The following ZNF687 variants were observed in gnomAD, a reference collection of about 807,000 sequenced individuals.
The protein encoded by ZNF687 is zinc finger protein 687.
A neutral mutation model predicts 71.8 loss-of-function variants in ZNF687; 13 were observed. The observed-to-expected ratio is 0.18, with a 90% CI of 0.12 to 0.29. The LOEUF is 0.29. Among genes scored for constraint, ZNF687 ranks in the 10% least tolerant of loss-of-function variants. ZNF687 has a pLI of 1.00. For missense variants in ZNF687, 1,412 were observed against 1,625.6 expected, an observed-to-expected ratio of 0.87 and a Z score of 2.26; for synonymous variants, 673 against 641.6, an observed-to-expected ratio of 1.05 and a Z score of -0.74.
upstream of ZNF687, chr1:151,282,008 A>G: frequency 8.0e-7 from 1 of 1,244,430 alleles, no homozygotes. Flanking sequence ...TCTAAGCGAC[A>G]GTGGCGGAGG....
chr1:151,288,282 C>T lies in ZNF687; in HGVS notation c.1991C>T (p.Ala664Val), dbSNP rs749612319. 7 of 1,613,472 alleles carry T rather than the reference C, an allele frequency of 4.3e-6. No homozygotes were observed. Among genetic ancestry groups the T allele is most frequent in the African/African-American group, 1.3e-5 (1 of 74,924 alleles). The stretch of plus-strand genomic sequence containing the variant: ...CCGCTCTCCACAGAGCCGCCTGCTG[C>T]CCCGGCCACCTCTGCTTACACATGC... ...VLPLSTEPPA[A>V]PATSAYTCFR... The change falls in exon 2 of 9, where the codon GCC (alanine) becomes GTC (valine). Residue 664 changes from alanine to valine, a missense_variant. This residue lies in a region of ZNF687 where 207 missense variants were observed against 239.2 expected (regional missense o/e 0.87). Transcript: ENST00000336715.
At chr1:151,290,270 C>T (rs201341455) in intron 7 of ZNF687, 36 bp downstream of exon 7, 24 of 1,610,900 alleles carry the variant, frequency 1.5e-5, no homozygotes, top group African/African-American at 2.7e-5. Context: ...TCCTGCCCAG[C>T]ACGTGACTCT....
chr1:151,291,344 A>C lies in ZNF687; in HGVS notation c.*135A>C, dbSNP rs149133961. 3.4e-3 allele frequency: 4,173 copies of C among 1,217,696 alleles called. 8 individuals carry two copies. Among genetic ancestry groups the C allele is most frequent in the Admixed American group, 4.5e-3 (157 of 34,880 alleles). 75.4% of individuals were successfully genotyped at this position (1,217,696 alleles called of 1,614,324 possible). A position where few individuals can be genotyped will look rare whatever the true frequency, so the allele number is the denominator to read the frequency against. On this transcript the variant is annotated 3_prime_UTR_variant, in exon 9 of 9. Coordinates refer to ENST00000336715, the MANE Select transcript of ZNF687 (RefSeq NM_020832.3). ...TCCTGTCTCTCCAACCTGAAGAAGA[A>C]GAGCATTTGAGGATTATTCTAGTTA... is the stretch of plus-strand genomic sequence containing the variant.
Position 151,288,512 on chromosome 1 carries a change from T to TA in ZNF687, c.2116-16_2116-15insA, listed in dbSNP as rs1694054939. 3 of 1,590,346 alleles carry TA rather than the reference T, an allele frequency of 1.9e-6. No individual in the cohort carries two copies. In the East Asian group the frequency reaches 6.7e-5, roughly 36 times the overall value. ...GACACTCCTCACCGACTTTCCTTGT[T>TA]TAACCCACTCGACAGGTGTGCCCAA... On this transcript the variant is annotated splice_polypyrimidine_tract_variant and intron_variant, in intron 2 of 8. Transcript: ENST00000336715.
upstream of ZNF687, chr1:151,281,719 G>A (rs1693719915): frequency 6.0e-5 from 25 of 416,816 alleles, no homozygotes; most frequent in South Asian, 3.9e-4. Flanking sequence ...GTCAGCGGAT[G>A]ACGTAATGTT....
rs753159822 is a variant in ZNF687 at position 151,288,745 on chromosome 1, G to A, written c.2294+39G>A. ...TTCCTCCATAGAACTGTAGGGTTTC[G>A]TGTGTCCTAGCCTCAGCCTCAGATG... On this transcript the variant is annotated intron_variant, in intron 3 of 8. Transcript: ENST00000336715. 2.7e-5 allele frequency: 42 copies of A among 1,578,412 alleles called. 3 individuals are homozygous for A. The highest frequency in any genetic ancestry group is 2.6e-4 in the Admixed American group (15 of 57,172).
Position 151,286,579 on chromosome 1 carries a change from G to A in ZNF687, c.288G>A (p.Glu96=), listed in dbSNP as rs759613015. 24 of 1,614,232 alleles carry A rather than the reference G, an allele frequency of 1.5e-5. 1 individual carries two copies. The South Asian group carries it at 1.6e-4, about 11-fold the overall frequency. Reference sequence around the variant, plus strand: ...ACACTGTGTGTCCCGAGCAGTCTGAGGCCCTGGCTGGAGGCTCAGCAGGAG... The same window carrying A: ...ACACTGTGTGTCCCGAGCAGTCTGAAGCCCTGGCTGGAGGCTCAGCAGGAG... The part of the protein sequence containing the change: ...VKNTVCPEQS[E]ALAGGSAGDG... The change falls in exon 2 of 9, where the codon GAG becomes GAA. Residue 96 remains glutamate, a synonymous_variant. Coordinates refer to ENST00000336715, the MANE Select transcript of ZNF687 (RefSeq NM_020832.3).
rs2864115 is a variant in ZNF687, at chr1:151,292,037, A to G, written c.*828A>G. ...GCAGGGAAAAAGCAAACTTCTATGT[A>G]GTGCCTTTTGTATCTTGGACACTGA... is the stretch of plus-strand genomic sequence containing the variant. On this transcript the variant is annotated 3_prime_UTR_variant, in exon 9 of 9. Transcript: ENST00000336715. 148,586 of 152,222 alleles carry G rather than the reference A, an allele frequency of 0.98. 72,641 individuals carry two copies. Among genetic ancestry groups the G allele is most frequent in the East Asian group, 1 (5,176 of 5,176 alleles). The allele number at this position is 152,222 out of a possible 1,614,324, so 9.4% of individuals were successfully genotyped here.
chr1:151,286,417 G>C lies in ZNF687; in HGVS notation c.126G>C (p.Lys42Asn). The C allele has an allele frequency of 6.2e-7, 1 of 1,613,662 alleles. No homozygotes were observed. The highest frequency in any genetic ancestry group is 8.5e-7 in the Non-Finnish European group (1 of 1,179,872). Residue 42 changes from lysine to asparagine, a missense_variant, in exon 2 of 9, where the codon AAG becomes AAC. Around this residue, in one of 8 missense-constraint regions of ZNF687, gnomAD observed 490 missense variants for 489.9 expected, o/e 1.00. Coordinates refer to ENST00000336715, the MANE Select transcript of ZNF687 (RefSeq NM_020832.3). ...ATGAGGGGCCTGGAGGCCCAGGGAA[G>C]CCAGAACCAGGTGTAGGAAGTGAAT... ...EENEGPGGPG[K>N]PEPGVGSESE...
chr1:151,281,955 C>T (rs587604030), upstream of ZNF687: 6 of 1,161,094 alleles, frequency 5.2e-6, no homozygotes, highest in African/African-American at 9.6e-5. Context: ...CACCTGGGTG[C>T]TCCCCCTTCC....
intron 7 of ZNF687, 86 bp downstream of exon 7, chr1:151,290,320 A>G (rs1317559730): frequency 1.2e-6 from 2 of 1,608,236 alleles, no homozygotes; most frequent in South Asian, 1.1e-5. Context: ...CGACGTGTCT[A>G]AGTGGCCTGA....
At chr1:151,283,820 A>G (rs1399601000) in intron 1 of ZNF687, 2 of 985,388 alleles carry the variant, frequency 2.0e-6, no homozygotes, top group African/African-American at 3.5e-5. Context: ...CCTTGGTCCC[A>G]GCAATCCCAG....
chr1:151,288,871 A>G (rs587735405), intron 3 of ZNF687, among the ~76,000 whole-genome samples, 165 bp downstream of exon 3: 2 of 152,160 alleles, frequency 1.3e-5, no homozygotes, highest in African/African-American at 2.4e-5. Context: ...GTCGTCCCCC[A>G]TGGAGATGGG....
At chr1:151,288,768 A>G in intron 3 of ZNF687, 62 bp downstream of exon 3, 1 of 1,522,044 alleles carries the variant, frequency 6.6e-7, no homozygotes, top group Admixed American at 2.0e-5. Flanking sequence ...TCAGCCTCAG[A>G]TGGCCTTTCA....
chr1:151,289,269 C>G lies in ZNF687; in HGVS notation c.2469C>G (p.Ala823=). 3 of 1,613,702 alleles carry G rather than the reference C, an allele frequency of 1.9e-6. No individual in the cohort carries two copies. The highest frequency in any genetic ancestry group is 2.5e-6 in the Non-Finnish European group (3 of 1,179,808). ...ATCCCAGCTTCCAAACTCAGCAGGC[C>G]AAGTGAGGCCCGGGGGAGGGCCGGG... ...SQHPSFQTQQ[A]KLIYKCAMCD... is the part of the protein sequence containing the mutation. The change falls in exon 4 of 9, where the codon GCC becomes GCG. Residue 823 remains alanine (A), a splice_region_variant and synonymous_variant. Transcript: ENST00000336715.
chr1:151,288,754 A>T (rs756153032), intron 3 of ZNF687, 48 bp downstream of exon 3: 8 of 1,547,576 alleles, frequency 5.2e-6, no homozygotes, highest in South Asian at 1.2e-5. Context: ...CGTGTGTCCT[A>T]GCCTCAGCCT....
Position 151,290,021 on chromosome 1 carries a change from A to C in ZNF687, c.2964+14A>C. ...GAGCATGGCAAGGTGAGTGGGCCCC[A>C]AGGGGAGTACCATGGGCTGGGGGCA... On this transcript the variant is annotated intron_variant, in intron 6 of 8. Coordinates refer to ENST00000336715, the MANE Select transcript of ZNF687 (RefSeq NM_020832.3). The C allele has an allele frequency of 6.3e-7, 1 of 1,593,712 alleles. No individual in the cohort carries two copies. The highest frequency in any genetic ancestry group is 1.1e-5 in the South Asian group (1 of 89,174).
Position 151,290,816 on chromosome 1 carries a change from A to T in ZNF687, c.3321A>T (p.Gly1107=). The change falls in exon 9 of 9, where the codon GGA becomes GGT. Residue 1107 remains glycine, a synonymous_variant. Transcript: ENST00000336715. ...CCCCCAGGGGCGGACCTGGATCTGG[A>T]GGCCATGGCCCTCTGCGCTACCGGA... ...AKSPRGGPGS[G]GHGPLRYRSS... The T allele has an allele frequency of 6.2e-7, 1 of 1,613,910 alleles. No individual in the cohort carries two copies. The highest frequency in any genetic ancestry group is 8.5e-7 in the Non-Finnish European group (1 of 1,180,004).
At chr1:151,283,799 C>T in intron 1 of ZNF687, 2 of 985,144 alleles carry the variant, frequency 2.0e-6, no homozygotes, top group Non-Finnish European at 2.4e-6. Flanking sequence ...TTGGTTTTGC[C>T]CCCACCCCAA....
Sources: allele counts gnomAD v4.1 joint callset (sites outside exome capture counted in the v4.1 genomes callset), GRCh38; gene constraint gnomAD v4.1.1; regional missense constraint gnomAD v4.1.1; transcripts MANE v1.5; gene names NCBI Gene and HGNC (gene_info 2026-07-23, HGNC 2026-07-21).